Variants in PRMT7 observed in about 807,000 individuals in gnomAD.
PRMT7 encodes protein arginine methyltransferase 7, also known as protein arginine N-methyltransferase 7.
A neutral mutation model predicts 85.4 loss-of-function variants in PRMT7; 75 were observed. That is an observed-to-expected ratio of 0.88 (90% CI 0.73 to 1.06). PRMT7 has a LOEUF of 1.06. Among genes scored for constraint, PRMT7 ranks in the 50% least tolerant of loss-of-function variants. The pLI, the probability that PRMT7 is intolerant of heterozygous loss-of-function variation, is 0.00. For missense variants in PRMT7, 868 were observed against 915.2 expected, an observed-to-expected ratio of 0.95 and a Z score of 0.67; for synonymous variants, 397 against 359.5, an observed-to-expected ratio of 1.10 and a Z score of -1.18.
intron 4 of PRMT7, 87 bp from the exon 5 acceptor site, chr16:68,324,596 C>T (rs1330517309): frequency 1.6e-5 from 25 of 1,523,412 alleles, no homozygotes; most frequent in Non-Finnish European, 2.1e-5. Flanking sequence ...TGCACTGCCA[C>T]TGCCAGCTGT....
chr16:68,327,417 A>G (rs2083258438), intron 5 of PRMT7, among the ~76,000 whole-genome samples: 1 of 152,098 alleles, frequency 6.6e-6, no homozygotes, highest in Admixed American at 6.6e-5. Context: ...GAGTTCAGGG[A>G]AGACTTCTGG....
Position 68,344,933 on chromosome 16 carries a change from T to TACACACACACACACACACACATAC in PRMT7, c.928-721_928-720insTACACACACACACACACACACACA, listed in dbSNP as rs1555563403. Among the ~76,000 whole-genome samples the TACACACACACACACACACACATAC allele has an allele frequency of 4.9e-3, 641 of 131,144 alleles. 3 individuals are homozygous for TACACACACACACACACACACATAC. The highest frequency in any genetic ancestry group is 0.012 in the African/African-American group (407 of 33,414). The allele number at this position is 131,144 out of a possible 152,430, so 86.0% of individuals were successfully genotyped here. A position where few individuals can be genotyped will look rare whatever the true frequency, so the allele number is the denominator to read the frequency against. ...CTTTCTGCCTCCCTTCCTGCATCTC[T>TACACACACACACACACACACATAC]ACACACACACACACACACACACACG... On this transcript the variant is annotated intron_variant, in intron 9 of 18. Coordinates refer to ENST00000441236, the MANE Select transcript of PRMT7 (RefSeq NM_019023.5).
chr16:68,353,370 C>T, intron 15 of PRMT7, 122 bp from the exon 16 acceptor site: 1 of 1,538,358 alleles, frequency 6.5e-7, no homozygotes, highest in Non-Finnish European at 8.7e-7. Context: ...CTCTGAGCCC[C>T]TTCATACTTG....
chr16:68,353,295 C>A (rs1006738679), intron 15 of PRMT7, 197 bp from the exon 16 acceptor site: 5 of 1,234,898 alleles, frequency 4.0e-6, no homozygotes, highest in Non-Finnish European at 2.1e-6. Flanking sequence ...TCAGGTGTCA[C>A]GTCAGAGCTT....
At chr16:68,352,916 A>G (rs1427472077) in intron 15 of PRMT7, among the ~76,000 whole-genome samples, 1 of 152,178 alleles carries the variant, frequency 6.6e-6, no homozygotes, top group African/African-American at 2.4e-5. Flanking sequence ...TCATTTGATG[A>G]GAGTGGTTTT....
chr16:68,341,970 G>A (rs1355972571), intron 9 of PRMT7, among the ~76,000 whole-genome samples: 1 of 152,114 alleles, frequency 6.6e-6, no homozygotes, highest in Non-Finnish European at 1.5e-5. Context: ...TTTGGGGAAG[G>A]ACGGTTATCA....
rs779941848 is a variant in PRMT7, at chr16:68,321,477, A to T, written c.132+15A>T. On this transcript the variant is annotated intron_variant, in intron 4 of 18. Transcript: ENST00000441236. Reference sequence around the variant, plus strand: ...ACAAAGACAGAGTAAGTGTAAAAGGAAACTATTATCTTGATGTGGGGTGTT... The same window carrying T: ...ACAAAGACAGAGTAAGTGTAAAAGGTAACTATTATCTTGATGTGGGGTGTT... The T allele has an allele frequency of 3.1e-6, 5 of 1,600,588 alleles. No individual in the cohort carries two copies. The highest frequency in any genetic ancestry group is 4.3e-6 in the Non-Finnish European group (5 of 1,170,208).
At chr16:68,311,731 C>T (rs1347887176) in intron 1 of PRMT7, 1 of 151,732 alleles carries the variant, frequency 6.6e-6, no homozygotes, top group East Asian at 1.9e-4. Flanking sequence ...AGGGCCTTTT[C>T]TTGGGAAAGT....
rs2088986196 is a variant in PRMT7, at chr16:68,358,574, T to A, written c.*1350T>A. The A allele has an allele frequency of 6.5e-6, 1 of 152,674 alleles. No individual in the cohort carries two copies. The highest frequency in any genetic ancestry group is 6.5e-5 in the Admixed American group (1 of 15,284). 9.5% of individuals were successfully genotyped at this position (152,674 alleles called of 1,614,324 possible). A position where few individuals can be genotyped will look rare whatever the true frequency, so the allele number is the denominator to read the frequency against. ...AAAAATACAGAAATTAAAAAAGTTTTTATAACAGTATTTCTAAATCTCAGC... is the reference window on the plus strand; with the variant it reads ...AAAAATACAGAAATTAAAAAAGTTTATATAACAGTATTTCTAAATCTCAGC... On this transcript the variant is annotated 3_prime_UTR_variant, in exon 19 of 19. Coordinates refer to ENST00000441236, the MANE Select transcript of PRMT7 (RefSeq NM_019023.5).
chr16:68,324,996 C>G (rs1399488356), intron 5 of PRMT7, 164 bp downstream of exon 5: 4 of 829,668 alleles, frequency 4.8e-6, no homozygotes, highest in Non-Finnish European at 7.2e-6. Context: ...GACACAGTTC[C>G]TTCCTCCAGG....
chr16:68,318,580 C>T (rs2082142461), intron 3 of PRMT7, among the ~76,000 whole-genome samples: 1 of 152,206 alleles, frequency 6.6e-6, no homozygotes, highest in South Asian at 2.1e-4. Context: ...GTTGCCTTGG[C>T]TGGAGTGCAG....
intron 9 of PRMT7, among the ~76,000 whole-genome samples, chr16:68,345,119 A>G (rs1304690036): frequency 1.3e-5 from 2 of 152,234 alleles, no homozygotes; most frequent in African/African-American, 4.8e-5. Flanking sequence ...CAGTGGTTCC[A>G]TAGTATCGTC....
At chr16:68,343,942 C>T (rs960980700) in intron 9 of PRMT7, among the ~76,000 whole-genome samples, 7 of 152,126 alleles carry the variant, frequency 4.6e-5, no homozygotes, top group South Asian at 2.1e-4. Context: ...AGCAGGCAGT[C>T]GTCTCATCAG....
intron 15 of PRMT7, chr16:68,352,628 G>C (rs2087581938): frequency 4.4e-6 from 2 of 458,424 alleles, no homozygotes; most frequent in South Asian, 8.4e-5. Flanking sequence ...GCTGAGTGTT[G>C]TCATTTTACA....
chr16:68,340,596 AG>A (rs1214089721), intron 9 of PRMT7, among the ~76,000 whole-genome samples: 2 of 146,104 alleles, frequency 1.4e-5, no homozygotes, highest in African/African-American at 5.1e-5. Flanking sequence ...AAAAAAAAAA[AG>A]AGAAATGCAA....
chr16:68,322,174 C>A (rs144589777), intron 4 of PRMT7, among the ~76,000 whole-genome samples: 65 of 152,224 alleles, frequency 4.3e-4, no homozygotes, highest in African/African-American at 1.3e-3. Context: ...TGCCATGACA[C>A]CTGGCCTTCA....
intron 9 of PRMT7, among the ~76,000 whole-genome samples, chr16:68,342,472 A>G (rs1034106200): frequency 6.6e-6 from 1 of 152,098 alleles, no homozygotes; most frequent in African/African-American, 2.4e-5. Context: ...AAGAAATAGA[A>G]CCTGTCTCTA....
chr16:68,332,747 G>C (rs1353782668), intron 6 of PRMT7, among the ~76,000 whole-genome samples: 1 of 152,146 alleles, frequency 6.6e-6, no homozygotes, highest in Non-Finnish European at 1.5e-5. Flanking sequence ...GTTTAACTCA[G>C]CAAGACTGCC....
chr16:68,325,749 C>G (rs2083037323), intron 5 of PRMT7, among the ~76,000 whole-genome samples: 1 of 152,098 alleles, frequency 6.6e-6, no homozygotes, highest in Non-Finnish European at 1.5e-5. Context: ...CGAGATTGCG[C>G]CACTGCACTC....
Sources: gnomAD v4.1 joint callset for allele counts (sites outside exome capture counted in the v4.1 genomes callset) on GRCh38, gnomAD v4.1.1 for gene constraint, MANE v1.5 for transcripts, NCBI Gene and HGNC (gene_info 2026-07-23, HGNC 2026-07-21) for gene names.